The following MED13L variants were observed in gnomAD, a reference collection of about 807,000 sequenced individuals.
MED13L encodes the protein mediator complex subunit 13L.
A neutral mutation model predicts 220.9 loss-of-function variants in MED13L; 7 were observed. The ratio of observed to expected loss-of-function variants is 0.03; its 90% CI spans 0.02 to 0.06. The LOEUF (loss-of-function observed/expected upper bound fraction) is 0.06, where lower values mean the gene tolerates loss of function less well. Ranked by LOEUF, MED13L falls within the 10% of genes least tolerant of loss-of-function variation. The probability of loss-of-function intolerance (pLI) is 1.00; values close to 1 mark genes in which losing one functional copy is unlikely to be tolerated. For missense variants in MED13L, 1,965 were observed against 2,760.5 expected, an observed-to-expected ratio of 0.71 and a Z score of 6.46; for synonymous variants, 1,011 against 1,015.2, an observed-to-expected ratio of 1.00 and a Z score of 0.08.
At chr12:116,209,233 T>C (rs982432385) in intron 2 of MED13L, among the ~76,000 whole-genome samples, 1 of 152,220 alleles carries the variant, frequency 6.6e-6, no homozygotes, top group Non-Finnish European at 1.5e-5. Flanking sequence ...CTGTGGACTT[T>C]AAATGTTGCA....
At chr12:116,144,688 A>G (rs1276952745) in intron 2 of MED13L, among the ~76,000 whole-genome samples, 2 of 152,224 alleles carry the variant, frequency 1.3e-5, no homozygotes, top group African/African-American at 4.8e-5. Context: ...AGGTGCTTAA[A>G]ATAGTGTCTC....
chr12:116,232,717 T>C (rs1032775334), intron 2 of MED13L, among the ~76,000 whole-genome samples: 1 of 152,230 alleles, frequency 6.6e-6, no homozygotes, highest in Non-Finnish European at 1.5e-5. Flanking sequence ...TGTACTATTT[T>C]GGGTTTTCCA....
chr12:116,036,114 C>T lies in MED13L; in HGVS notation c.480-13513G>A, dbSNP rs1035416770. On this transcript the variant is annotated intron_variant, in intron 4 of 30. Transcript: ENST00000281928. ...CCCCTGCCTTCTGTAACCCCAGCAA[C>T]TAGCATACTGCATGGCACACAAAAC... is the stretch of plus-strand genomic sequence containing the variant. Among the ~76,000 whole-genome samples, 9 of 152,162 alleles carry T rather than the reference C, an allele frequency of 5.9e-5. No individual in the cohort carries two copies. The East Asian group carries it at 7.7e-4, about 13-fold the overall frequency.
At chr12:116,108,429 G>T (rs989464804) in intron 3 of MED13L, among the ~76,000 whole-genome samples, 1 of 151,000 alleles carries the variant, frequency 6.6e-6, no homozygotes, top group Non-Finnish European at 1.5e-5. Flanking sequence ...TGAGCTGTGC[G>T]TAATTTTCAT....
chr12:116,119,822 AAAAAAAAAAAAAAAAAATAT>A (rs1874850728), intron 2 of MED13L, among the ~76,000 whole-genome samples: 1 of 104,146 alleles, frequency 9.6e-6, no homozygotes, highest in Admixed American at 9.9e-5. Context: ...AAAAAAAAAA[AAAAAAAAAAAAAAAAAATAT>A]ATATATATAT....
intron 3 of MED13L, among the ~76,000 whole-genome samples, chr12:116,099,046 T>A (rs1393369172): frequency 6.6e-6 from 1 of 152,168 alleles, no homozygotes; most frequent in Non-Finnish European, 1.5e-5. Flanking sequence ...ACCTGGTTGA[T>A]TACCAGGCAC....
At chr12:116,226,903 C>T (rs1258320355) in intron 2 of MED13L, among the ~76,000 whole-genome samples, 1 of 149,172 alleles carries the variant, frequency 6.7e-6, no homozygotes, top group Non-Finnish European at 1.5e-5. Flanking sequence ...GATGCCTACA[C>T]TATCTGGGTT....
rs115291416 is a variant in MED13L, at chr12:116,033,187, C to T, written c.480-10586G>A. On this transcript the variant is annotated intron_variant, in intron 4 of 30. Transcript: ENST00000281928. ...TTGTTCCACAGCTTTACACTTGCCA[C>T]CTTTTTTATTTTTAAAAATCAATGT... Among the ~76,000 whole-genome samples the T allele has an allele frequency of 2.2e-3, 340 of 152,028 alleles. 1 individual carries two copies. Among genetic ancestry groups the T allele is most frequent in the African/African-American group, 7.8e-3 (323 of 41,502 alleles).
At chr12:115,985,916 T>C (rs888365607) in intron 19 of MED13L, among the ~76,000 whole-genome samples, 3 of 152,088 alleles carry the variant, frequency 2.0e-5, no homozygotes, top group Non-Finnish European at 4.4e-5. Context: ...ATACAAAGAG[T>C]AGATGTGCTC....
intron 2 of MED13L, among the ~76,000 whole-genome samples, chr12:116,145,883 CAT>C (rs753245772): frequency 3.3e-5 from 5 of 151,932 alleles, no homozygotes; most frequent in South Asian, 2.1e-4. Context: ...AATCCCCACA[CAT>C]AGAGGCATGC....
intron 2 of MED13L, among the ~76,000 whole-genome samples, chr12:116,234,461 C>T (rs1484882377): frequency 6.6e-6 from 1 of 152,056 alleles, no homozygotes; most frequent in East Asian, 1.9e-4. Flanking sequence ...AACTCCTGAA[C>T]TCAGGTGATC....
chr12:116,154,012 G>A (rs935837133), intron 2 of MED13L, among the ~76,000 whole-genome samples: 4 of 152,100 alleles, frequency 2.6e-5, no homozygotes, highest in African/African-American at 7.2e-5. Context: ...ACAGCTGCCC[G>A]GAGCACTGCT....
intron 2 of MED13L, among the ~76,000 whole-genome samples, chr12:116,147,572 A>C (rs1279287590): frequency 1.3e-5 from 2 of 152,198 alleles, no homozygotes; most frequent in Non-Finnish European, 2.9e-5. Flanking sequence ...AGCAGTCTTT[A>C]ACTTATAAGC....
chr12:116,039,405 C>G (rs944788122), intron 4 of MED13L, among the ~76,000 whole-genome samples: 1 of 152,202 alleles, frequency 6.6e-6, no homozygotes, highest in African/African-American at 2.4e-5. Context: ...TGGTAGAATG[C>G]TATTATCAGC....
chr12:116,160,535 C>G (rs990883902), intron 2 of MED13L, among the ~76,000 whole-genome samples: 3 of 151,678 alleles, frequency 2.0e-5, no homozygotes, highest in Non-Finnish European at 4.4e-5. Context: ...CTCCTTTGGG[C>G]CTTGGCTCTG....
intron 4 of MED13L, among the ~76,000 whole-genome samples, chr12:116,051,904 A>G (rs1199248944): frequency 6.6e-6 from 1 of 152,174 alleles, no homozygotes; most frequent in African/African-American, 2.4e-5. Flanking sequence ...ATATGAATGC[A>G]AGGAATAAGA....
intron 4 of MED13L, among the ~76,000 whole-genome samples, chr12:116,081,333 G>A (rs887378064): frequency 6.6e-6 from 1 of 152,054 alleles, no homozygotes; most frequent in Admixed American, 6.5e-5. Flanking sequence ...TGCTAATTTT[G>A]TCTTTTTGTA....
intron 25 of MED13L, 106 bp downstream of exon 25, chr12:115,975,065 G>T: frequency 1.7e-6 from 2 of 1,173,448 alleles, no homozygotes; most frequent in Non-Finnish European, 2.5e-6. Context: ...AATAGAATCT[G>T]TTTAATTCTT....
intron 29 of MED13L, 93 bp from the exon 30 acceptor site, chr12:115,963,612 A>G: frequency 1.1e-6 from 1 of 917,684 alleles, no homozygotes; most frequent in Non-Finnish European, 1.8e-6. Context: ...AGATGCTCCC[A>G]AAAGTCCGTA....
Sources: gnomAD v4.1 joint callset for allele counts (sites outside exome capture counted in the v4.1 genomes callset) on GRCh38, gnomAD v4.1.1 for gene constraint, MANE v1.5 for transcripts, NCBI Gene and HGNC (gene_info 2026-07-23, HGNC 2026-07-21) for gene names.